The following GCNT3 variants were observed in gnomAD, a reference collection of about 807,000 sequenced individuals.
The protein encoded by GCNT3 is glucosaminyl (N-acetyl) transferase 3, mucin type, also known as beta-1,3-galactosyl-O-glycosyl-glycoprotein beta-1,6-N-acetylglucosaminyltransferase 3.
For missense variants in GCNT3, 708 were observed against 530.3 expected, an observed-to-expected ratio of 1.34 and a Z score of -3.29; for synonymous variants, 269 against 195.2, an observed-to-expected ratio of 1.38 and a Z score of -3.15.
intron 1 of GCNT3, among the ~76,000 whole-genome samples, chr15:59,612,249 G>A (rs1366784622): frequency 2.0e-5 from 3 of 152,176 alleles, no homozygotes; most frequent in Non-Finnish European, 2.9e-5. Context: ...AAGCTCAAGC[G>A]ATGAAGTTGA....
chr15:59,619,058 G>C lies in GCNT3; in HGVS notation c.820G>C (p.Asp274His). 6.2e-7 allele frequency: 1 copy of C among 1,614,122 alleles called. No individual in the cohort carries two copies. Residue 274 changes from aspartate (D) to histidine (H), a missense_variant, in exon 3 of 3, where the codon GAC becomes CAC. By Grantham distance (81) the Asp-to-His change is moderately conservative. Transcript: ENST00000396065. ...GAAATATCACTTTGAGGTAGTGAGA[G>C]ACACATTACACCTAACCAACAAGAA... ...RWKYHFEVVR[D>H]TLHLTNKKKD...
In GCNT3 at chr15:59,616,679, C is replaced by T. The variant is rs1253451637; in HGVS notation, c.-250-13C>T. On this transcript the variant is annotated splice_polypyrimidine_tract_variant and intron_variant, in intron 1 of 2. Transcript: ENST00000396065. ...GAGAGTGATGGAGCCACCTGCTGCC[C>T]TCTACTTTGCAGATATTAAAGAGGA... 6.6e-6 allele frequency: 1 copy of T among 152,178 alleles called. No individual in the cohort carries two copies. The highest frequency in any genetic ancestry group is 1.5e-5 in the Non-Finnish European group (1 of 68,030). 9.4% of individuals were successfully genotyped at this position (152,178 alleles called of 1,614,324 possible).
chr15:59,618,389 TAC>T lies in GCNT3; in HGVS notation c.152_153del (p.Tyr51LeufsTer2). ...GLESRESQSQYCRNILYNFLK... is the reference protein window; with the variant it reads ...GLESRESQSQXCRNILYNFLK... ...GGAGTCCAGGGAATCTCAAAGCCAG[TAC>T]TGTAGGAATATCTTGTATAATTTCC... On this transcript the variant is annotated frameshift_variant, in exon 3 of 3. Transcript: ENST00000396065. LOFTEE classifies it low-confidence loss of function (END_TRUNC). 6.2e-7 allele frequency: 1 copy of T among 1,614,138 alleles called. No homozygotes were observed. Among genetic ancestry groups the T allele is most frequent in the Non-Finnish European group, 8.5e-7 (1 of 1,179,994 alleles).
rs907009352 is a variant in GCNT3 at position 59,620,719 on chromosome 15, A to G, written c.*1164A>G. The G allele has an allele frequency of 1.2e-5, 2 of 166,972 alleles. No homozygotes were observed. The highest frequency in any genetic ancestry group is 4.8e-5 in the African/African-American group (2 of 41,412). The allele number at this position is 166,972 out of a possible 1,614,324, so 10.3% of individuals were successfully genotyped here. Reference sequence around the variant, plus strand: ...AGATAATAGCCAATCAGGTAAGGTAATGTGTAATTCATTATTCAAAGTGGA... The same window carrying G: ...AGATAATAGCCAATCAGGTAAGGTAGTGTGTAATTCATTATTCAAAGTGGA... On this transcript the variant is annotated 3_prime_UTR_variant, in exon 3 of 3. Coordinates refer to ENST00000396065, the MANE Select transcript of GCNT3 (RefSeq NM_004751.3).
rs1255892541 is a variant in GCNT3 at position 59,618,656 on chromosome 15, C to T, written c.418C>T (p.His140Tyr). Residue 140 changes from histidine to tyrosine, a missense_variant, in exon 3 of 3, where the codon CAT (histidine) becomes TAT (tyrosine). His to Tyr is a moderately conservative substitution (Grantham distance 83). Transcript: ENST00000396065. ...EFPIAYSMVI[H>Y]EKIENFERLL... ...CCCTATTGCATACTCTATGGTGATT[C>T]ATGAGAAGATTGAAAACTTTGAAAG... The T allele has an allele frequency of 6.2e-7, 1 of 1,614,148 alleles. No homozygotes were observed. Among genetic ancestry groups the T allele is most frequent in the Non-Finnish European group, 8.5e-7 (1 of 1,180,020 alleles).
At chr15:59,613,361 T>C (rs2082704729) in intron 1 of GCNT3, among the ~76,000 whole-genome samples, 1 of 151,910 alleles carries the variant, frequency 6.6e-6, no homozygotes, top group African/African-American at 2.4e-5. Flanking sequence ...TAATGTGTTA[T>C]TAACAAATAC....
At position 59,618,536 on chromosome 15, in the gene GCNT3, G is replaced by T. The variant is rs1351532994; in HGVS notation, c.298G>T (p.Asp100Tyr). ...CAAGAAGAAGCGAGAGCCTTTCACA[G>T]ACACCCACTACCTCTCCCTCACCAG... ...EVKKKREPFT[D>Y]THYLSLTRDC... The change falls in exon 3 of 3, where the codon GAC (aspartate) becomes TAC (tyrosine). Residue 100 changes from aspartate (D) to tyrosine (Y), a missense_variant. Transcript: ENST00000396065. 7.4e-6 allele frequency: 12 copies of T among 1,614,044 alleles called. No individual in the cohort carries two copies. The highest frequency in any genetic ancestry group is 1.0e-5 in the Non-Finnish European group (12 of 1,180,028).
At chr15:59,614,658 G>A (rs1282783198) in intron 1 of GCNT3, among the ~76,000 whole-genome samples, 3 of 152,166 alleles carry the variant, frequency 2.0e-5, no homozygotes, top group Non-Finnish European at 4.4e-5. Flanking sequence ...CACCATCTTG[G>A]TTTTGGTGGG....
At chr15:59,615,764 T>G (rs1342407433) in intron 1 of GCNT3, among the ~76,000 whole-genome samples, 1 of 151,448 alleles carries the variant, frequency 6.6e-6, no homozygotes, top group East Asian at 1.9e-4. Context: ...GGTGTGTGCC[T>G]GTGGTCCCAG....
rs2082729027 is a variant in GCNT3, at chr15:59,618,306, C to T, written c.68C>T (p.Ala23Val). ...LWALGCYMLL[A>V]TVALKLSFRL... ...GCTCTGGGCTGCTATATGCTGCTGG[C>T]CACTGTGGCTCTGAAACTTTCTTTC... Residue 23 changes from alanine to valine, a missense_variant, in exon 3 of 3, where the codon GCC (alanine) becomes GTC (valine). Coordinates refer to ENST00000396065, the MANE Select transcript of GCNT3 (RefSeq NM_004751.3). 10 of 1,612,858 alleles carry T rather than the reference C, an allele frequency of 6.2e-6. No individual in the cohort carries two copies. In the East Asian group the frequency reaches 2.0e-4, roughly 32 times the overall value.
In GCNT3 at chr15:59,621,862, G is replaced by C. The variant is rs1056661991; in HGVS notation, c.*2307G>C. ...GATCCACTTGCCTTGGCTTCCCAAA[G>C]TGCTGGGATTACAGGCGTGAGCTAC... On this transcript the variant is annotated 3_prime_UTR_variant, in exon 3 of 3. Coordinates refer to ENST00000396065, the MANE Select transcript of GCNT3 (RefSeq NM_004751.3). 5 of 151,202 alleles carry C rather than the reference G, an allele frequency of 3.3e-5. No individual in the cohort carries two copies. The highest frequency in any genetic ancestry group is 1.2e-4 in the African/African-American group (5 of 41,122). 9.4% of individuals were successfully genotyped at this position (151,202 alleles called of 1,614,324 possible).
At position 59,619,627 on chromosome 15, in the gene GCNT3, G is replaced by A. The variant is rs1234625297; in HGVS notation, c.*72G>A. On this transcript the variant is annotated 3_prime_UTR_variant, in exon 3 of 3. Transcript: ENST00000396065. ...AACATGCTCAGAACTTGCTGGGACA[G>A]TGTGGGTGGGAGACCAGGGCTTTGC... 2.1e-6 allele frequency: 2 copies of A among 972,356 alleles called. No homozygotes were observed. The highest frequency in any genetic ancestry group is 1.6e-5 in the African/African-American group (1 of 61,874). The allele number at this position is 972,356 out of a possible 1,614,324, so 60.2% of individuals were successfully genotyped here.
Position 59,618,627 on chromosome 15 carries a change from A to C in GCNT3, c.389A>C (p.Glu130Ala). 3.1e-6 allele frequency: 5 copies of C among 1,614,112 alleles called. No individual in the cohort carries two copies. Among genetic ancestry groups the C allele is most frequent in the Non-Finnish European group, 4.2e-6 (5 of 1,180,000 alleles). The stretch of plus-strand genomic sequence containing the variant: ...TTCCCACTGAGCAAAGAAGAGGTGG[A>C]GTTCCCTATTGCATACTCTATGGTG... The part of the protein sequence containing the change: ...IQFPLSKEEV[E>A]FPIAYSMVIH... Residue 130 changes from glutamate to alanine, a missense_variant, in exon 3 of 3, where the codon GAG (glutamate) becomes GCG (alanine). Transcript: ENST00000396065.
At chr15:59,617,055 C>A in intron 2 of GCNT3, among the ~76,000 whole-genome samples, 174 bp downstream of exon 2, 1 of 151,730 alleles carries the variant, frequency 6.6e-6, no homozygotes, top group South Asian at 2.1e-4. Flanking sequence ...TCTATAATAT[C>A]TGGTTTTCTT....
chr15:59,619,734 G>C lies in GCNT3; in HGVS notation c.*179G>C. 3.4e-6 allele frequency: 2 copies of C among 589,850 alleles called. No individual in the cohort carries two copies. The highest frequency in any genetic ancestry group is 6.2e-6 in the Non-Finnish European group (2 of 320,536). The allele number at this position is 589,850 out of a possible 1,614,324, so 36.5% of individuals were successfully genotyped here. On this transcript the variant is annotated 3_prime_UTR_variant, in exon 3 of 3. Transcript: ENST00000396065. ...CTTTTGCCTTGCAAATTGCTGCCTGGGTGAATGCTGCTTGTTCTCTCACCC... is the reference window on the plus strand; with the variant it reads ...CTTTTGCCTTGCAAATTGCTGCCTGCGTGAATGCTGCTTGTTCTCTCACCC...
At chr15:59,612,705 C>G (rs1307600924) in intron 1 of GCNT3, among the ~76,000 whole-genome samples, 1 of 152,132 alleles carries the variant, frequency 6.6e-6, no homozygotes, top group African/African-American at 2.4e-5. Context: ...GGTGAGGAAG[C>G]TGCTGGCCAT....
chr15:59,620,494 G>A lies in GCNT3; in HGVS notation c.*939G>A, dbSNP rs2082742725. On this transcript the variant is annotated 3_prime_UTR_variant, in exon 3 of 3. Transcript: ENST00000396065. ...AAATAGCAAATTCTAACGAAGACAG[G>A]GGAACAGGGATGGTTCTTCCATTGT... 6.0e-6 allele frequency: 1 copy of A among 166,990 alleles called. No homozygotes were observed. Among genetic ancestry groups the A allele is most frequent in the Admixed American group, 6.6e-5 (1 of 15,252 alleles). The allele number at this position is 166,990 out of a possible 1,614,324, so 10.3% of individuals were successfully genotyped here. A position where few individuals can be genotyped will look rare whatever the true frequency, so the allele number is the denominator to read the frequency against.
chr15:59,613,667 A>C (rs1300479896), intron 1 of GCNT3, among the ~76,000 whole-genome samples: 1 of 152,214 alleles, frequency 6.6e-6, no homozygotes, highest in African/African-American at 2.4e-5. Context: ...CAGAGGTTGC[A>C]GTGAGCTGAG....
chr15:59,619,411 C>T lies in GCNT3; in HGVS notation c.1173C>T (p.Cys391=), dbSNP rs776902951. 1.4e-5 allele frequency: 23 copies of T among 1,613,980 alleles called. No homozygotes were observed. The highest frequency in any genetic ancestry group is 3.3e-4 in the Middle Eastern group (2 of 6,084). The change falls in exon 3 of 3, where the codon TGC becomes TGT. Residue 391 remains cysteine (C), a synonymous_variant. Coordinates refer to ENST00000396065, the MANE Select transcript of GCNT3 (RefSeq NM_004751.3). ...CTGGAATCCACCAGCGGGCTATCTG[C>T]GTTTATGGGGCTGGGGACTTGAATT... is the stretch of plus-strand genomic sequence containing the variant. ...PCSGIHQRAI[C]VYGAGDLNWM... is the part of the protein sequence containing the mutation.
Sources: gnomAD v4.1 joint callset for allele counts (sites outside exome capture counted in the v4.1 genomes callset) on GRCh38, gnomAD v4.1.1 for gene constraint, MANE v1.5 for transcripts, NCBI Gene and HGNC (gene_info 2026-07-23, HGNC 2026-07-21) for gene names.